RBFOX1: variants seen among roughly 807,000 people sequenced by gnomAD.
RBFOX1 encodes RNA binding fox-1 homolog 1, also known as RNA binding protein fox-1 homolog 1.
A neutral mutation model predicts 57.7 loss-of-function variants in RBFOX1; 8 were observed. The observed-to-expected ratio is 0.14, with a 90% CI of 0.08 to 0.25. The LOEUF is 0.25. Among genes scored for constraint, RBFOX1 ranks in the 10% least tolerant of loss-of-function variants. The probability of loss-of-function intolerance (pLI) is 1.00; values close to 1 mark genes in which losing one functional copy is unlikely to be tolerated. For missense variants in RBFOX1, 611 were observed against 548.5 expected, an observed-to-expected ratio of 1.11 and a Z score of -1.14; for synonymous variants, 326 against 222.4, an observed-to-expected ratio of 1.47 and a Z score of -4.15.
intron 2 of RBFOX1, among the ~76,000 whole-genome samples, chr16:6,640,945 G>T (rs1444570748): frequency 6.6e-6 from 1 of 152,100 alleles, no homozygotes; most frequent in Non-Finnish European, 1.5e-5. Context: ...AATGACTGTG[G>T]CAGCCATGCT....
At chr16:7,011,467 T>C (rs2093649419) in intron 3 of RBFOX1, among the ~76,000 whole-genome samples, 1 of 152,094 alleles carries the variant, frequency 6.6e-6, no homozygotes. Context: ...TGTTTGTTTG[T>C]TTTTGTTGTG....
chr16:6,529,366 C>G (rs577080273), intron 2 of RBFOX1, among the ~76,000 whole-genome samples: 9 of 152,078 alleles, frequency 5.9e-5, no homozygotes, highest in Non-Finnish European at 1.5e-5. Context: ...GGAGACCAGC[C>G]TGACCAACTT....
chr16:5,276,686 G>A (rs746634352), intron 1 of RBFOX1, among the ~76,000 whole-genome samples: 1 of 152,192 alleles, frequency 6.6e-6, no homozygotes, highest in Non-Finnish European at 1.5e-5. Context: ...AGGCGGCTGA[G>A]ACAGGAGAAT....
intron 2 of RBFOX1, among the ~76,000 whole-genome samples, chr16:6,391,796 A>G (rs906072692): frequency 6.6e-6 from 1 of 152,216 alleles, no homozygotes; most frequent in Non-Finnish European, 1.5e-5. Flanking sequence ...TTTAAATAAC[A>G]AATAGGATAC....
At chr16:6,799,586 C>A (rs1036769073) in intron 3 of RBFOX1, among the ~76,000 whole-genome samples, 8 of 152,038 alleles carry the variant, frequency 5.3e-5, no homozygotes, top group African/African-American at 9.7e-5. Flanking sequence ...GAGGGAGCGG[C>A]CTGGGAGAGA....
chr16:5,462,613 G>A (rs1252692719), intron 1 of RBFOX1, among the ~76,000 whole-genome samples: 2 of 152,162 alleles, frequency 1.3e-5, no homozygotes, highest in African/African-American at 4.8e-5. Context: ...TCCTAAAAAT[G>A]TGGTATTTTT....
chr16:5,413,090 G>A (rs555528674), intron 1 of RBFOX1, among the ~76,000 whole-genome samples: 1 of 152,264 alleles, frequency 6.6e-6, no homozygotes, highest in East Asian at 1.9e-4. Flanking sequence ...CTGTATTGAT[G>A]TTTCCCATCA....
chr16:5,537,618 T>C (rs1597442360), intron 2 of RBFOX1, among the ~76,000 whole-genome samples: 1 of 152,184 alleles, frequency 6.6e-6, no homozygotes, highest in African/African-American at 2.4e-5. Context: ...AAACTGAAGG[T>C]TGTTCCCAGC....
intron 1 of RBFOX1, among the ~76,000 whole-genome samples, chr16:5,332,267 T>C (rs2064776609): frequency 6.6e-6 from 1 of 152,052 alleles, no homozygotes; most frequent in Non-Finnish European, 1.5e-5. Flanking sequence ...CTTTATTTTA[T>C]TTTATTTTAT....
chr16:7,626,477 G>C (rs149095103), intron 10 of RBFOX1, among the ~76,000 whole-genome samples: 11 of 152,298 alleles, frequency 7.2e-5, no homozygotes, highest in Non-Finnish European at 1.6e-4. Flanking sequence ...CCGGCACTCA[G>C]AGTGGGCGAA....
intron 4 of RBFOX1, among the ~76,000 whole-genome samples, chr16:7,256,816 G>C (rs1383037435): frequency 6.6e-6 from 1 of 152,074 alleles, no homozygotes; most frequent in Non-Finnish European, 1.5e-5. Context: ...CTCTCTCACC[G>C]TTCTACGCAC....
At chr16:5,335,831 C>T (rs947418293) in intron 1 of RBFOX1, among the ~76,000 whole-genome samples, 1 of 152,042 alleles carries the variant, frequency 6.6e-6, no homozygotes, top group Non-Finnish European at 1.5e-5. Context: ...TGAATGGATC[C>T]TATCAAAAGA....
At chr16:5,510,915 C>T (rs1480319234) in intron 2 of RBFOX1, among the ~76,000 whole-genome samples, 1 of 152,178 alleles carries the variant, frequency 6.6e-6, no homozygotes, top group East Asian at 1.9e-4. Context: ...TTGAGAACTA[C>T]TGCTGTAAAG....
chr16:6,646,117 G>C (rs1031113474), intron 2 of RBFOX1, among the ~76,000 whole-genome samples: 1 of 152,084 alleles, frequency 6.6e-6, no homozygotes, highest in Non-Finnish European at 1.5e-5. Flanking sequence ...TAGTTGAGCT[G>C]TTTTCCAAGC....
At chr16:6,829,894 G>A (rs1464786837) in intron 3 of RBFOX1, among the ~76,000 whole-genome samples, 1 of 151,608 alleles carries the variant, frequency 6.6e-6, no homozygotes, top group African/African-American at 2.4e-5. Flanking sequence ...AAACCACCAT[G>A]CCCAGCCCTT....
intron 2 of RBFOX1, among the ~76,000 whole-genome samples, chr16:6,638,655 C>G (rs948781086): frequency 9.9e-5 from 15 of 152,076 alleles, no homozygotes; most frequent in Admixed American, 7.9e-4. Flanking sequence ...TAATGTTTAG[C>G]CCTTTAATGC....
intron 2 of RBFOX1, among the ~76,000 whole-genome samples, chr16:5,584,681 G>C (rs1049220645): frequency 3.3e-5 from 5 of 152,174 alleles, no homozygotes; most frequent in African/African-American, 1.2e-4. Flanking sequence ...AGATGGGAGA[G>C]GAGGGCTGGG....
chr16:6,320,938 C>A (rs2081708589), intron 2 of RBFOX1, among the ~76,000 whole-genome samples: 1 of 152,076 alleles, frequency 6.6e-6, no homozygotes, highest in Non-Finnish European at 1.5e-5. Flanking sequence ...AGATTACAGG[C>A]ACCCACCACC....
At chr16:6,502,152 T>A (rs952554235) in intron 2 of RBFOX1, among the ~76,000 whole-genome samples, 2 of 152,138 alleles carry the variant, frequency 1.3e-5, no homozygotes, top group Non-Finnish European at 2.9e-5. Flanking sequence ...AGGCATTGGC[T>A]TTAGCTAGTA....
Sources: gnomAD v4.1 joint callset for allele counts (sites outside exome capture counted in the v4.1 genomes callset) on GRCh38, gnomAD v4.1.1 for gene constraint, MANE v1.5 for transcripts, NCBI Gene and HGNC (gene_info 2026-07-23, HGNC 2026-07-21) for gene names.